Variants in DPYSL2 observed in about 807,000 individuals in gnomAD.
DPYSL2 encodes the protein dihydropyrimidinase like 2.
DPYSL2 carries 13 observed loss-of-function variants against 69.9 expected under a neutral mutation model. The observed-to-expected ratio is 0.19, with a 90% CI of 0.12 to 0.30. The LOEUF (loss-of-function observed/expected upper bound fraction) is 0.30, where lower values mean the gene tolerates loss of function less well. DPYSL2 is among the 10% of genes least tolerant of loss of function. The pLI is 1.00. For missense variants in DPYSL2, 587 were observed against 918.9 expected (o/e 0.64, Z 4.67); for synonymous variants, 326 against 359.1 (o/e 0.91, Z 1.04).
rs969197400 is a variant in DPYSL2, at chr8:26,626,167, C to A, written c.794-450C>A. Among the ~76,000 whole-genome samples, 3 of 152,162 alleles carry A rather than the reference C, an allele frequency of 2.0e-5. No individual in the cohort carries two copies. Among genetic ancestry groups the A allele is most frequent in the Non-Finnish European group, 4.4e-5 (3 of 68,034 alleles). ...CATGTTGTAGCATGTGTCAGGGTGT[C>A]TTTCCTTTTTAAAGGCTGAATAATA... is the stretch of plus-strand genomic sequence containing the variant. On this transcript the variant is annotated intron_variant, in intron 4 of 13. Transcript: ENST00000521913. This position sits in a 1 kb window ranked among gnomAD's most constrained non-coding sequence, Gnocchi z 4.3.
At chr8:26,563,134 C>T (rs1465170871) in intron 1 of DPYSL2, among the ~76,000 whole-genome samples, 1 of 152,136 alleles carries the variant, frequency 6.6e-6, no homozygotes, top group African/African-American at 2.4e-5. Flanking sequence ...GGCATGTAGA[C>T]CCCACCTTTC....
At chr8:26,541,655 T>A (rs2053536) in intron 1 of DPYSL2, among the ~76,000 whole-genome samples, 77 of 152,258 alleles carry the variant, frequency 5.1e-4, no homozygotes, top group Non-Finnish European at 7.5e-4. Flanking sequence ...AAAGAAGCAT[T>A]CTTTGTCTAC....
Position 26,524,801 on chromosome 8 carries a change from CAAAAAAAAAAAAAAAA to C in DPYSL2, c.354+10142_354+10157del, listed in dbSNP as rs753822230. On this transcript the variant is annotated intron_variant, in intron 1 of 13. Transcript: ENST00000521913. Reference sequence around the variant, plus strand: ...TGAAGGACAGAGAGAGACTCTGTCTCAAAAAAAAAAAAAAAAAAAAAAAAAAAAAAAAAAAGAGAGA... The same window carrying C: ...TGAAGGACAGAGAGAGACTCTGTCTCAAAAAAAAAAAAAAAAAAAGAGAGA... Among the ~76,000 whole-genome samples the C allele has an allele frequency of 3.2e-4, 13 of 41,110 alleles. 1 individual carries two copies. In the South Asian group the frequency reaches 5.7e-3, roughly 18 times the overall value. 27.0% of individuals were successfully genotyped at this position (41,110 alleles called of 152,430 possible).
At chr8:26,581,119 C>A (rs999400456) in intron 1 of DPYSL2, among the ~76,000 whole-genome samples, 2 of 152,096 alleles carry the variant, frequency 1.3e-5, no homozygotes, top group Non-Finnish European at 2.9e-5. Flanking sequence ...TTTTTGTAGT[C>A]TTTTTGCTAT....
At chr8:26,636,610 C>T (rs956727519) in intron 8 of DPYSL2, among the ~76,000 whole-genome samples, 2 of 152,156 alleles carry the variant, frequency 1.3e-5, no homozygotes, top group Admixed American at 6.5e-5. Context: ...CTGCCGCAGG[C>T]CTCCTCCTCT....
At chr8:26,556,164 ATACTATATATAG>A (rs1325822560) in intron 1 of DPYSL2, among the ~76,000 whole-genome samples, 5 of 25,866 alleles carry the variant, frequency 1.9e-4, no homozygotes, top group Non-Finnish European at 2.6e-4. Flanking sequence ...TATATAGTAT[ATACTATATATAG>A]TATATACTAT....
chr8:26,641,509 T>G lies in DPYSL2; in HGVS notation c.1127-1930T>G, dbSNP rs1400700635. ...CTGCTGCTGGGTCCTGCCCAGCCAT[T>G]TGCATTTTATAAAGGTCTTTGGCAG... On this transcript the variant is annotated intron_variant, in intron 8 of 13. Transcript: ENST00000521913. This position sits in a 1 kb window ranked among gnomAD's most constrained non-coding sequence, Gnocchi z 4.1. 6.6e-6 allele frequency among the ~76,000 whole-genome samples: 1 copy of G among 152,198 alleles called. No individual in the cohort carries two copies. The highest frequency in any genetic ancestry group is 1.5e-5 in the Non-Finnish European group (1 of 68,030).
rs1438575049 is a variant in DPYSL2, at chr8:26,610,121, A to G, written c.629-14022A>G. On this transcript the variant is annotated intron_variant, in intron 3 of 13. Coordinates refer to ENST00000521913, the MANE Select transcript of DPYSL2 (RefSeq NM_001197293.3). This position sits in a 1 kb window ranked among gnomAD's most constrained non-coding sequence, Gnocchi z 4.5. ...GTTTTTCAAAGCCTGCTGGAGATGTAACTGTCGTGATGTTTCGTGGGATCT... is the reference window on the plus strand; with the variant it reads ...GTTTTTCAAAGCCTGCTGGAGATGTGACTGTCGTGATGTTTCGTGGGATCT... Among the ~76,000 whole-genome samples, 2 of 152,222 alleles carry G rather than the reference A, an allele frequency of 1.3e-5. No individual in the cohort carries two copies. Among genetic ancestry groups the G allele is most frequent in the East Asian group, 3.9e-4 (2 of 5,180 alleles).
At chr8:26,529,261 T>TATC (rs1554531961) in intron 1 of DPYSL2, among the ~76,000 whole-genome samples, 15 of 149,026 alleles carry the variant, frequency 1.0e-4, no homozygotes, top group African/African-American at 3.5e-4. Flanking sequence ...TCTATCTATC[T>TATC]ATCTATCTAT....
chr8:26,529,728 A>T (rs1464740373), intron 1 of DPYSL2, among the ~76,000 whole-genome samples: 2 of 135,480 alleles, frequency 1.5e-5, no homozygotes, highest in African/African-American at 5.6e-5. Context: ...TTTAACCGTA[A>T]TTTTTTTTTT....
intron 10 of DPYSL2, among the ~76,000 whole-genome samples, chr8:26,646,622 G>A (rs1803170910): frequency 6.6e-6 from 1 of 152,072 alleles, no homozygotes. Context: ...GGTTTGGGAG[G>A]GGAAGCACTT....
At chr8:26,634,925 G>A (rs1417035184) in intron 8 of DPYSL2, 25 bp downstream of exon 8, 1 of 1,613,424 alleles carries the variant, frequency 6.2e-7, no homozygotes, top group South Asian at 1.1e-5. Context: ...CGGACTGGCT[G>A]ATGGCAGGTG....
chr8:26,647,604 G>A lies in DPYSL2; in HGVS notation c.1426-26G>A. 6.3e-7 allele frequency: 1 copy of A among 1,593,690 alleles called. No individual in the cohort carries two copies. On this transcript the variant is annotated intron_variant, in intron 10 of 13. Coordinates refer to ENST00000521913, the MANE Select transcript of DPYSL2 (RefSeq NM_001197293.3). The surrounding 1 kb of genome is among the most constrained non-coding windows in gnomAD (Gnocchi z 5.1). ...AACTCGTTTCTGCTGTGTGCCTCCT[G>A]TGCACACCTATGCTGTCTCCCTCAG...
chr8:26,535,616 G>T (rs960115000), intron 1 of DPYSL2, among the ~76,000 whole-genome samples: 1 of 147,900 alleles, frequency 6.8e-6, no homozygotes, highest in African/African-American at 2.5e-5. Flanking sequence ...AAAACAGACT[G>T]ATATATATAT....
In DPYSL2 at chr8:26,614,187, C is replaced by T. The variant is rs915899683; in HGVS notation, c.629-9956C>T. On this transcript the variant is annotated intron_variant, in intron 3 of 13. Transcript: ENST00000521913. This position sits in a 1 kb window ranked among gnomAD's most constrained non-coding sequence, Gnocchi z 4.9. ...ATGAGGGTGGAGGAAGAAGAGCCAG[C>T]GGAAGATTCTTCTGAGACATGGGAA... 3.9e-5 allele frequency among the ~76,000 whole-genome samples: 6 copies of T among 151,958 alleles called. No individual in the cohort carries two copies. The highest frequency in any genetic ancestry group is 2.0e-4 in the Admixed American group (3 of 15,258).
Position 26,552,047 on chromosome 8 carries a change from C to T in DPYSL2, c.355-29922C>T, listed in dbSNP as rs545420662. On this transcript the variant is annotated intron_variant, in intron 1 of 13. Coordinates refer to ENST00000521913, the MANE Select transcript of DPYSL2 (RefSeq NM_001197293.3). The stretch of plus-strand genomic sequence containing the variant: ...AATGCTGGTCTTAAACACTTAGGCT[C>T]AAGCAATCCTCCTGTCTCAGCCTCC... Among the ~76,000 whole-genome samples the T allele has an allele frequency of 2.6e-5, 4 of 152,232 alleles. No homozygotes were observed. The East Asian group carries it at 5.8e-4, about 22-fold the overall frequency.
At chr8:26,595,377 C>T (rs1197678386) in intron 3 of DPYSL2, among the ~76,000 whole-genome samples, 2 of 152,030 alleles carry the variant, frequency 1.3e-5, no homozygotes, top group African/African-American at 4.8e-5. Flanking sequence ...ACACATCTGG[C>T]CCTGCAGATG....
At chr8:26,581,265 GAC>G (rs931768601) in intron 1 of DPYSL2, among the ~76,000 whole-genome samples, 11 of 152,122 alleles carry the variant, frequency 7.2e-5, no homozygotes, top group Admixed American at 5.2e-4. Context: ...GTGCTTGCTT[GAC>G]ACAGTCTTTC....
intron 3 of DPYSL2, among the ~76,000 whole-genome samples, chr8:26,613,484 C>T (rs571719794): frequency 1.3e-5 from 2 of 152,322 alleles, no homozygotes; most frequent in East Asian, 3.9e-4. Context: ...AGTGGGTGCC[C>T]ATCCTGGCAG....
Sources: allele counts gnomAD v4.1 joint callset (sites outside exome capture counted in the v4.1 genomes callset), GRCh38; gene constraint gnomAD v4.1.1; non-coding constraint Gnocchi (gnomAD v3.1); transcripts MANE v1.5; gene names NCBI Gene and HGNC (gene_info 2026-07-23, HGNC 2026-07-21).